The following PTPRD variants were observed in gnomAD, a reference collection of about 807,000 sequenced individuals.
PTPRD encodes the protein protein tyrosine phosphatase receptor type D, also known as receptor-type tyrosine-protein phosphatase delta.
In PTPRD, 34 loss-of-function variants were observed where a neutral mutation model predicts 214.5. The observed-to-expected ratio is 0.16, with a 90% confidence interval of 0.12 to 0.21. The LOEUF is 0.21. Ranked by LOEUF, PTPRD falls within the 10% of genes least tolerant of loss-of-function variation. PTPRD has a pLI of 1.00. For synonymous variants in PTPRD, 1,128 were observed against 845.7 expected (o/e 1.33, Z -5.79); for missense variants, 2,545 against 2,398.7 (o/e 1.06, Z -1.27).
At chr9:8,831,347 C>T (rs1315415341) in intron 11 of PTPRD, among the ~76,000 whole-genome samples, 6 of 152,126 alleles carry the variant, frequency 3.9e-5, no homozygotes, top group African/African-American at 7.2e-5. Flanking sequence ...AAAACAATCT[C>T]GCTTACTCTG....
intron 7 of PTPRD, among the ~76,000 whole-genome samples, chr9:9,702,364 T>C (rs1049001084): frequency 2.0e-5 from 3 of 152,150 alleles, no homozygotes; most frequent in Admixed American, 2.0e-4. Flanking sequence ...ATCACAACAG[T>C]ATAATATCAT....
intron 11 of PTPRD, among the ~76,000 whole-genome samples, chr9:8,858,710 A>G (rs1452595199): frequency 6.6e-6 from 1 of 151,100 alleles, no homozygotes; most frequent in Admixed American, 6.6e-5. Context: ...CCGCTGGCGA[A>G]TCCCTGAATC....
intron 9 of PTPRD, among the ~76,000 whole-genome samples, chr9:9,233,988 T>C (rs1039461114): frequency 2.3e-4 from 35 of 152,152 alleles, no homozygotes; most frequent in African/African-American, 7.5e-4. Flanking sequence ...GGCCCTTTTT[T>C]TCAAAGCTCC....
chr9:8,524,306 T>C (rs981249149), intron 18 of PTPRD, among the ~76,000 whole-genome samples: 8 of 152,180 alleles, frequency 5.3e-5, no homozygotes, highest in African/African-American at 1.9e-4. Context: ...AATGTTTCGG[T>C]AAGTCTTAAT....
chr9:9,088,903 T>C (rs960509900), intron 10 of PTPRD, among the ~76,000 whole-genome samples: 3 of 152,182 alleles, frequency 2.0e-5, no homozygotes, highest in African/African-American at 4.8e-5. Flanking sequence ...TAGGTAATTA[T>C]AGATTTTCTG....
chr9:9,774,663 G>T (rs549477320), intron 5 of PTPRD, among the ~76,000 whole-genome samples: 18 of 152,132 alleles, frequency 1.2e-4, no homozygotes, highest in Admixed American at 1.2e-3. Flanking sequence ...TAGTTTGAAG[G>T]ATCCATTATA....
intron 7 of PTPRD, among the ~76,000 whole-genome samples, chr9:9,686,332 T>G (rs1038256866): frequency 9.2e-5 from 14 of 151,488 alleles, no homozygotes; most frequent in Admixed American, 6.0e-4. Context: ...ACTCATTTTT[T>G]TACTGTGTAT....
intron 9 of PTPRD, among the ~76,000 whole-genome samples, chr9:9,251,010 C>A (rs894898118): frequency 2.6e-5 from 4 of 151,882 alleles, no homozygotes; most frequent in African/African-American, 4.8e-5. Flanking sequence ...TGAAATTGAC[C>A]CTCTTTTCCA....
intron 10 of PTPRD, among the ~76,000 whole-genome samples, chr9:9,085,293 T>C (rs973937338): frequency 6.6e-6 from 1 of 152,192 alleles, no homozygotes; most frequent in African/African-American, 2.4e-5. Flanking sequence ...GAATAAATAT[T>C]CTACTTTTAC....
intron 35 of PTPRD, among the ~76,000 whole-genome samples, chr9:8,425,964 T>G (rs368928745): frequency 2.0e-5 from 3 of 152,198 alleles, no homozygotes; most frequent in African/African-American, 7.2e-5. Context: ...TCTGTAGTTC[T>G]TCATAATTAC....
intron 4 of PTPRD, among the ~76,000 whole-genome samples, chr9:9,947,504 A>T (rs1182435957): frequency 1.0e-3 from 28 of 27,222 alleles, no homozygotes; most frequent in East Asian, 8.1e-3. Flanking sequence ...TATATATTTT[A>T]TATATATAAT....
chr9:9,446,610 G>C (rs1198670293), intron 8 of PTPRD, among the ~76,000 whole-genome samples: 2 of 152,056 alleles, frequency 1.3e-5, no homozygotes, highest in East Asian at 3.9e-4. Flanking sequence ...CAATGTTATT[G>C]TCAATGGTGC....
intron 14 of PTPRD, among the ~76,000 whole-genome samples, chr9:8,548,676 ATTTTTTTTTTTTTTTTTTTTTTTT>A (rs71317369): frequency 2.4e-5 from 1 of 41,082 alleles, no homozygotes; most frequent in Admixed American, 4.9e-4. Context: ...CTGGAGCTGG[ATTTTTTTTTTTTTTTTTTTTTTTT>A]TTTTTTTTTT....
chr9:8,476,780 T>C (rs1434220505), intron 30 of PTPRD, among the ~76,000 whole-genome samples: 1 of 152,194 alleles, frequency 6.6e-6, no homozygotes. Context: ...AGAAAGTGGG[T>C]ACAAGAGGTG....
chr9:9,093,020 A>G (rs1182670631), intron 10 of PTPRD, among the ~76,000 whole-genome samples: 3 of 152,084 alleles, frequency 2.0e-5, no homozygotes, highest in Admixed American at 1.3e-4. Context: ...AAGAAAATGC[A>G]AACACCAATC....
intron 6 of PTPRD, among the ~76,000 whole-genome samples, chr9:9,753,274 C>A (rs2098539301): frequency 2.0e-5 from 3 of 151,846 alleles, no homozygotes; most frequent in East Asian, 1.9e-4. Context: ...AGCCCAGAAC[C>A]AAAACGTTTC....
intron 5 of PTPRD, among the ~76,000 whole-genome samples, chr9:9,934,225 G>A (rs1053522890): frequency 1.4e-4 from 21 of 147,998 alleles, no homozygotes; most frequent in Middle Eastern, 3.5e-3. Context: ...AAATAAGTAA[G>A]ATCAGAGCAG....
intron 7 of PTPRD, among the ~76,000 whole-genome samples, chr9:9,610,991 T>C (rs921111685): frequency 5.3e-5 from 8 of 152,210 alleles, no homozygotes; most frequent in African/African-American, 9.6e-5. Flanking sequence ...AACACATTGA[T>C]TGAATATGTA....
At chr9:9,959,050 A>T (rs1019127140) in intron 4 of PTPRD, among the ~76,000 whole-genome samples, 3 of 152,196 alleles carry the variant, frequency 2.0e-5, no homozygotes, top group Admixed American at 2.0e-4. Flanking sequence ...ACCTTCCTGC[A>T]AAAGTTTACA....
Sources: gnomAD v4.1 joint callset for allele counts (sites outside exome capture counted in the v4.1 genomes callset) on GRCh38, gnomAD v4.1.1 for gene constraint, MANE v1.5 for transcripts, NCBI Gene and HGNC (gene_info 2026-07-23, HGNC 2026-07-21) for gene names.